Variants in TLE4 observed in about 807,000 individuals in gnomAD.
TLE4 encodes the protein TLE family member 4, transcriptional corepressor, also known as transducin-like enhancer protein 4.
A neutral mutation model predicts 92.8 loss-of-function variants in TLE4; 8 were observed. That is an observed-to-expected ratio of 0.09 (90% CI 0.05 to 0.16). The LOEUF (loss-of-function observed/expected upper bound fraction) is 0.16. Among genes scored for constraint, TLE4 ranks in the 10% least tolerant of loss-of-function variants. The pLI, the probability that TLE4 is intolerant of heterozygous loss-of-function variation, is 1.00. For synonymous variants in TLE4, 371 were observed against 374.1 expected (o/e 0.99, Z 0.10); for missense variants, 675 against 997.6 (o/e 0.68, Z 4.36).
chr9:79,598,770 G>T (rs2044761382), intron 4 of TLE4, among the ~76,000 whole-genome samples: 1 of 152,000 alleles, frequency 6.6e-6, no homozygotes, highest in Admixed American at 6.5e-5. Context: ...GATTTCCAGG[G>T]CTCCTCTGTG....
At chr9:79,707,587 A>G (rs989763660) in intron 11 of TLE4, among the ~76,000 whole-genome samples, 2 of 152,218 alleles carry the variant, frequency 1.3e-5, no homozygotes, top group Non-Finnish European at 2.9e-5. Flanking sequence ...TTGGTCTGCA[A>G]ATTAGGGGGG....
Position 79,720,154 on chromosome 9 carries a change from C to G in TLE4, c.1699C>G (p.Pro567Ala). 1 of 1,614,114 alleles carries G rather than the reference C, an allele frequency of 6.2e-7. No homozygotes were observed. The highest frequency in any genetic ancestry group is 8.5e-7 in the Non-Finnish European group (1 of 1,180,028). Residue 567 changes from proline (P) to alanine (A), a missense_variant, in exon 16 of 20, where the codon CCA (proline) becomes GCA (alanine). By Grantham distance (27) the Pro-to-Ala change is conservative (BLOSUM62 -1). Transcript: ENST00000376552. ...CATTTGGGACCTGGCGGCTCCAACC[C>G]CACGCATCAAGGCAGAGCTGACATC... ...LSIWDLAAPTPRIKAELTSSA... is the reference protein window; with the variant it reads ...LSIWDLAAPTARIKAELTSSA...
intron 6 of TLE4, among the ~76,000 whole-genome samples, chr9:79,640,064 A>G (rs1024011198): frequency 5.9e-5 from 9 of 152,150 alleles, no homozygotes; most frequent in African/African-American, 1.4e-4. Context: ...AGACCTGGTT[A>G]TGGAAGACGG....
At chr9:79,610,966 C>G (rs1022273794) in intron 4 of TLE4, among the ~76,000 whole-genome samples, 5 of 151,950 alleles carry the variant, frequency 3.3e-5, no homozygotes, top group African/African-American at 1.2e-4. Flanking sequence ...ATATGCTTGG[C>G]AGATGGTTCT....
At chr9:79,644,633 C>G (rs1206653701) in intron 6 of TLE4, among the ~76,000 whole-genome samples, 1 of 152,242 alleles carries the variant, frequency 6.6e-6, no homozygotes, top group Non-Finnish European at 1.5e-5. Context: ...GACTTACAGA[C>G]AGGAGCGAGG....
At chr9:79,670,771 C>A (rs751641485) in intron 8 of TLE4, among the ~76,000 whole-genome samples, 3 of 152,100 alleles carry the variant, frequency 2.0e-5, no homozygotes, top group Non-Finnish European at 4.4e-5. Flanking sequence ...TCAAATCATG[C>A]CTTATGCTAT....
chr9:79,592,353 G>A (rs1340097942), intron 4 of TLE4, among the ~76,000 whole-genome samples: 3 of 145,718 alleles, frequency 2.1e-5, no homozygotes, highest in African/African-American at 7.7e-5. Flanking sequence ...ATGGCTCACT[G>A]CAGCCTCAGC....
chr9:79,692,187 C>G (rs2067221635), intron 8 of TLE4, among the ~76,000 whole-genome samples: 1 of 152,138 alleles, frequency 6.6e-6, no homozygotes, highest in Non-Finnish European at 1.5e-5. Context: ...AGCATTGTAA[C>G]TCAAGGTTGC....
intron 8 of TLE4, among the ~76,000 whole-genome samples, chr9:79,666,520 T>C (rs1054995729): frequency 1.3e-5 from 2 of 152,228 alleles, no homozygotes; most frequent in Non-Finnish European, 2.9e-5. Context: ...ATTACAGGCG[T>C]GAGCCATCAC....
intron 4 of TLE4, among the ~76,000 whole-genome samples, chr9:79,594,481 C>G (rs2043462629): frequency 6.6e-6 from 1 of 152,048 alleles, no homozygotes; most frequent in African/African-American, 2.4e-5. Context: ...TCCATCCAGA[C>G]TCATGCATCT....
chr9:79,580,982 TG>T (rs879394696), intron 4 of TLE4, among the ~76,000 whole-genome samples: 2 of 152,118 alleles, frequency 1.3e-5, no homozygotes, highest in African/African-American at 2.4e-5. Flanking sequence ...ACTATGTGTG[TG>T]GGGGTGGGAA....
chr9:79,600,691 T>G (rs1361987569), intron 4 of TLE4, among the ~76,000 whole-genome samples: 1 of 152,166 alleles, frequency 6.6e-6, no homozygotes, highest in Non-Finnish European at 1.5e-5. Context: ...CAGAAGGGAT[T>G]TGAATAGCCT....
chr9:79,674,303 G>C (rs979433667), intron 8 of TLE4, among the ~76,000 whole-genome samples: 1 of 149,984 alleles, frequency 6.7e-6, no homozygotes, highest in Non-Finnish European at 1.5e-5. Flanking sequence ...TATTATCTCC[G>C]TGTTGCAGAT....
chr9:79,693,704 G>A, intron 8 of TLE4: 1 of 508,432 alleles, frequency 2.0e-6, no homozygotes, highest in Non-Finnish European at 3.9e-6. Flanking sequence ...CATTTGTTCA[G>A]CAAACACTTA....
intron 14 of TLE4, among the ~76,000 whole-genome samples, chr9:79,713,994 G>A (rs2136103533): frequency 6.6e-6 from 1 of 152,100 alleles, no homozygotes; most frequent in South Asian, 2.1e-4. Context: ...CTCCCAAGTA[G>A]CTGGGATTAC....
chr9:79,593,215 G>A (rs542885124), intron 4 of TLE4, among the ~76,000 whole-genome samples: 2 of 151,948 alleles, frequency 1.3e-5, no homozygotes, highest in South Asian at 4.2e-4. Context: ...AAAAAAAAAC[G>A]AAAACCGAAA....
At chr9:79,657,244 A>T (rs1274457824) in intron 8 of TLE4, among the ~76,000 whole-genome samples, 2 of 152,180 alleles carry the variant, frequency 1.3e-5, no homozygotes, top group African/African-American at 4.8e-5. Context: ...CCTGAAAATG[A>T]CAAGAAACAC....
At chr9:79,645,732 A>G (rs1031775268) in intron 6 of TLE4, among the ~76,000 whole-genome samples, 2 of 152,222 alleles carry the variant, frequency 1.3e-5, no homozygotes, top group Non-Finnish European at 2.9e-5. Context: ...TCAGAATTAA[A>G]TTAATTATCT....
chr9:79,648,912 G>T (rs2058501880), intron 6 of TLE4, among the ~76,000 whole-genome samples: 1 of 152,164 alleles, frequency 6.6e-6, no homozygotes, highest in Non-Finnish European at 1.5e-5. Context: ...GATAAAGATG[G>T]GTGAGGCCAG....
Sources: allele counts gnomAD v4.1 joint callset (sites outside exome capture counted in the v4.1 genomes callset), GRCh38; gene constraint gnomAD v4.1.1; transcripts MANE v1.5; gene names NCBI Gene and HGNC (gene_info 2026-07-23, HGNC 2026-07-21).